KCNN2: variants seen among roughly 807,000 people sequenced by gnomAD.
KCNN2 encodes the protein potassium calcium-activated channel subfamily N member 2.
Under a neutral mutation model 55.5 loss-of-function variants are expected in KCNN2, and 24 were observed. The observed-to-expected ratio is 0.43, with a 90% confidence interval of 0.31 to 0.61. The LOEUF is 0.61. KCNN2 is among the 20% of genes least tolerant of loss of function. The probability of loss-of-function intolerance (pLI) is 0.08; values close to 1 mark genes in which losing one functional copy is unlikely to be tolerated. For missense variants in KCNN2, 754 were observed against 853.6 expected, an observed-to-expected ratio of 0.88 and a Z score of 1.45; for synonymous variants, 431 against 336.1, an observed-to-expected ratio of 1.28 and a Z score of -3.09.
At chr5:114,493,175 C>G (rs969556312) in intron 6 of KCNN2, among the ~76,000 whole-genome samples, 5 of 152,070 alleles carry the variant, frequency 3.3e-5, no homozygotes, top group Non-Finnish European at 7.4e-5. Context: ...AATAGTTGTC[C>G]TAAGGACATC....
intron 2 of KCNN2, among the ~76,000 whole-genome samples, chr5:114,319,181 C>T (rs1362038930): frequency 1.3e-5 from 2 of 152,154 alleles, no homozygotes; most frequent in African/African-American, 2.4e-5. Context: ...GGGAAAGCAG[C>T]TAAGTCCACT....
chr5:114,437,549 G>T lies in KCNN2; in HGVS notation c.1638-25500G>T, dbSNP rs564096751. On this transcript the variant is annotated intron_variant, in intron 3 of 7. Transcript: ENST00000673685. ...TTCCTTCAAAACAGTTAACCTTTCA[G>T]ATTAAAGATGGCAAGAGCTAAAAGT... Among the ~76,000 whole-genome samples, 25 of 152,248 alleles carry T rather than the reference G, an allele frequency of 1.6e-4. 1 individual carries two copies. The South Asian group carries it at 5.2e-3, about 32-fold the overall frequency.
chr5:114,262,456 G>C (rs1348885019), intron 2 of KCNN2, among the ~76,000 whole-genome samples: 1 of 152,168 alleles, frequency 6.6e-6, no homozygotes, highest in East Asian at 1.9e-4. Flanking sequence ...TTTTTCAAGA[G>C]AGTCAATTAA....
chr5:114,354,104 A>C (rs1444101825), intron 2 of KCNN2, among the ~76,000 whole-genome samples: 1 of 150,910 alleles, frequency 6.6e-6, no homozygotes, highest in Non-Finnish European at 1.5e-5. Context: ...GGGTTTTCTT[A>C]TTATTATGCT....
intron 1 of KCNN2, among the ~76,000 whole-genome samples, chr5:114,181,666 G>A (rs992393688): frequency 1.3e-5 from 2 of 152,034 alleles, no homozygotes; most frequent in Non-Finnish European, 2.9e-5. Context: ...TTTTATGTTT[G>A]CTTCGAAATA....
At chr5:114,304,029 T>C (rs1756218841) in intron 2 of KCNN2, among the ~76,000 whole-genome samples, 1 of 152,234 alleles carries the variant, frequency 6.6e-6, no homozygotes, top group East Asian at 1.9e-4. Flanking sequence ...AACTGTTATA[T>C]ACTTTATTTT....
upstream of KCNN2, among the ~76,000 whole-genome samples, chr5:114,357,295 A>AT (rs200568310): frequency 2.4e-3 from 347 of 145,330 alleles, 4 homozygotes; most frequent in Middle Eastern, 7.4e-3. Context: ...ACAACATGAA[A>AT]TTTTTTTTTT....
intron 1 of KCNN2, among the ~76,000 whole-genome samples, chr5:114,219,140 C>T (rs1478346438): frequency 1.3e-5 from 2 of 152,216 alleles, no homozygotes; most frequent in African/African-American, 4.8e-5. Flanking sequence ...GCAGCAGCAT[C>T]CAGGCAGGGG....
At chr5:114,090,640 A>G (rs926990341) in intron 1 of KCNN2, among the ~76,000 whole-genome samples, 10 of 151,808 alleles carry the variant, frequency 6.6e-5, no homozygotes, top group Non-Finnish European at 1.3e-4. Context: ...TTGAATATAG[A>G]TATGCTATAT....
chr5:114,393,782 T>A (rs1457761), intron 2 of KCNN2, among the ~76,000 whole-genome samples: 73,558 of 148,972 alleles, frequency 0.49, 18,880 homozygotes, highest in African/African-American at 0.64. Flanking sequence ...ACTTTGCTTT[T>A]AAAAAAAAAA....
intron 3 of KCNN2, among the ~76,000 whole-genome samples, chr5:114,440,970 C>A (rs1760184260): frequency 6.6e-6 from 1 of 151,822 alleles, no homozygotes; most frequent in South Asian, 2.1e-4. Flanking sequence ...ACAAGTATGT[C>A]AGTGGGTTGA....
upstream of KCNN2, among the ~76,000 whole-genome samples, chr5:114,358,254 A>G (rs963378284): frequency 2.0e-4 from 31 of 151,568 alleles, no homozygotes; most frequent in African/African-American, 7.3e-4. Context: ...GAACTCAAAC[A>G]AATTTACAAG....
intron 3 of KCNN2, among the ~76,000 whole-genome samples, chr5:114,407,232 A>G (rs1451281739): frequency 6.6e-6 from 1 of 151,456 alleles, no homozygotes; most frequent in Non-Finnish European, 1.5e-5. Flanking sequence ...TTTTGTTCCT[A>G]TTTTCTGTTG....
chr5:114,414,410 C>T (rs1759233185), intron 3 of KCNN2, among the ~76,000 whole-genome samples: 1 of 152,128 alleles, frequency 6.6e-6, no homozygotes, highest in Non-Finnish European at 1.5e-5. Context: ...TCAAGGGAGC[C>T]TCTTGGCTTG....
intron 2 of KCNN2, among the ~76,000 whole-genome samples, chr5:114,241,115 A>G (rs1316547016): frequency 1.3e-5 from 2 of 151,932 alleles, no homozygotes; most frequent in Non-Finnish European, 2.9e-5. Context: ...AGATATAAGT[A>G]CTTGATTATA....
intron 1 of KCNN2, among the ~76,000 whole-genome samples, chr5:114,084,209 C>G (rs1750964003): frequency 6.6e-6 from 1 of 152,038 alleles, no homozygotes; most frequent in South Asian, 2.1e-4. Flanking sequence ...AGCATGATTA[C>G]TGTATGGTAT....
intron 1 of KCNN2, among the ~76,000 whole-genome samples, chr5:114,192,661 A>G (rs891942567): frequency 2.0e-5 from 3 of 152,138 alleles, no homozygotes; most frequent in African/African-American, 7.2e-5. Flanking sequence ...GTGCACGGTC[A>G]TATGTCGACC....
chr5:114,255,900 A>G (rs1754973287), intron 2 of KCNN2, among the ~76,000 whole-genome samples: 1 of 152,140 alleles, frequency 6.6e-6, no homozygotes, highest in Non-Finnish European at 1.5e-5. Flanking sequence ...CAGTTTTGTT[A>G]CATGGATATA....
At chr5:114,387,734 A>G (rs1009533871) in intron 2 of KCNN2, among the ~76,000 whole-genome samples, 2 of 152,160 alleles carry the variant, frequency 1.3e-5, no homozygotes, top group Non-Finnish European at 2.9e-5. Context: ...AACAGAAGAA[A>G]GGCTCTATCT....
Sources: gnomAD v4.1 joint callset for allele counts (sites outside exome capture counted in the v4.1 genomes callset) on GRCh38, gnomAD v4.1.1 for gene constraint, MANE v1.5 for transcripts, NCBI Gene and HGNC (gene_info 2026-07-23, HGNC 2026-07-21) for gene names.